MEIOB: variants seen among roughly 807,000 people sequenced by gnomAD.
MEIOB encodes the protein meiosis specific with OB-fold.
MEIOB carries 50 observed loss-of-function variants against 53.1 expected under a neutral mutation model. That is an observed-to-expected ratio of 0.94 (90% CI 0.75 to 1.19). The LOEUF is 1.19. Ranked by LOEUF, MEIOB falls within the 50% of genes most tolerant of loss-of-function variation. MEIOB has a pLI of 0.00. For missense variants in MEIOB, 551 were observed against 550.8 expected (o/e 1.00, Z 0.00); for synonymous variants, 192 against 182.5 (o/e 1.05, Z -0.42).
intron 1 of MEIOB, among the ~76,000 whole-genome samples, chr16:1,870,576 T>C (rs889840016): frequency 6.6e-6 from 1 of 152,198 alleles, no homozygotes; most frequent in East Asian, 1.9e-4. Flanking sequence ...AAATTGTGGA[T>C]AACATCCACC....
At chr16:1,862,454 T>C (rs1182960337) in intron 3 of MEIOB, among the ~76,000 whole-genome samples, 1 of 152,178 alleles carries the variant, frequency 6.6e-6, no homozygotes, top group African/African-American at 2.4e-5. Context: ...TCTCTCTTAC[T>C]GTTGTTTCAA....
chr16:1,856,812 G>A (rs1051930896), intron 6 of MEIOB, among the ~76,000 whole-genome samples: 1 of 143,780 alleles, frequency 7.0e-6, no homozygotes, highest in Non-Finnish European at 1.5e-5. Context: ...TGCCCAGGCT[G>A]GAGTGCAGTG....
chr16:1,851,176 G>T (rs1022539191), intron 9 of MEIOB, among the ~76,000 whole-genome samples: 1 of 152,094 alleles, frequency 6.6e-6, no homozygotes, highest in African/African-American at 2.4e-5. Flanking sequence ...AACAGCCTCC[G>T]AGGCCTTCTT....
At chr16:1,870,447 C>T (rs567198310) in intron 1 of MEIOB, among the ~76,000 whole-genome samples, 1 of 152,202 alleles carries the variant, frequency 6.6e-6, no homozygotes, top group Non-Finnish European at 1.5e-5. Context: ...AAGGACGTGT[C>T]TCATGACACC....
At chr16:1,867,281 A>G (rs369961) in intron 2 of MEIOB, among the ~76,000 whole-genome samples, 124,745 of 151,258 alleles carry the variant, frequency 0.82, 51,555 homozygotes, top group Middle Eastern at 0.9. Flanking sequence ...AACAGTCGAG[A>G]TGTGTTCAAA....
chr16:1,856,668 G>A (rs938158518), intron 6 of MEIOB, among the ~76,000 whole-genome samples: 1 of 151,430 alleles, frequency 6.6e-6, no homozygotes, highest in Non-Finnish European at 1.5e-5. Context: ...CACCATATTG[G>A]CCAGGCTGGT....
intron 13 of MEIOB, 132 bp downstream of exon 13, chr16:1,837,652 G>C: frequency 2.0e-6 from 1 of 505,212 alleles, no homozygotes; most frequent in East Asian, 3.1e-5. Context: ...TAGGATAGCT[G>C]AATCCTTATG....
At chr16:1,839,547 T>C (rs569246376) in intron 11 of MEIOB, 109 bp from the exon 12 acceptor site, 16 of 985,990 alleles carry the variant, frequency 1.6e-5, no homozygotes, top group South Asian at 1.5e-4. Flanking sequence ...TGTGGAAAAC[T>C]TACTGAGTGT....
At chr16:1,850,783 T>G (rs1899150646) in intron 9 of MEIOB, among the ~76,000 whole-genome samples, 1 of 149,408 alleles carries the variant, frequency 6.7e-6, no homozygotes, top group South Asian at 2.1e-4. Flanking sequence ...TAGCCAGGCA[T>G]GGTGGCGGGC....
rs374328289 is a variant in MEIOB at position 1,844,994 on chromosome 16, G to A, written c.779-31C>T. On this transcript the variant is annotated intron_variant, in intron 9 of 13. Coordinates refer to ENST00000325962, the MANE Select transcript of MEIOB (RefSeq NM_001163560.3). ...ATTGAAAATGCATAATAAGTAAAAA[G>A]CAAACTGATTATCATTTAAATCACA... 1.6e-4 allele frequency: 152 copies of A among 954,328 alleles called. No homozygotes were observed. The African/African-American group carries it at 2.4e-3, about 15-fold the overall frequency. 59.1% of individuals were successfully genotyped at this position (954,328 alleles called of 1,614,324 possible).
At chr16:1,861,136 G>A (rs1332102550) in intron 4 of MEIOB, among the ~76,000 whole-genome samples, 2 of 152,160 alleles carry the variant, frequency 1.3e-5, no homozygotes, top group African/African-American at 2.4e-5. Flanking sequence ...AAGCCATGAT[G>A]TAAGTCAATG....
chr16:1,838,913 A>C (rs1898821371), intron 12 of MEIOB, among the ~76,000 whole-genome samples: 1 of 152,160 alleles, frequency 6.6e-6, no homozygotes, highest in African/African-American at 2.4e-5. Context: ...GCTGGTCTCA[A>C]ACTCCTGACC....
At chr16:1,842,957 C>T (rs1175001485) in intron 10 of MEIOB, among the ~76,000 whole-genome samples, 2 of 137,376 alleles carry the variant, frequency 1.5e-5, no homozygotes, top group Non-Finnish European at 3.1e-5. Context: ...CCACCGCGCC[C>T]GGCGACACTG....
chr16:1,864,234 G>A (rs375439), intron 3 of MEIOB, among the ~76,000 whole-genome samples: 125,095 of 151,680 alleles, frequency 0.82, 51,707 homozygotes, highest in Middle Eastern at 0.9. Context: ...TTTACCTCTG[G>A]GGAGAGGACT....
intron 10 of MEIOB, among the ~76,000 whole-genome samples, chr16:1,842,625 A>G (rs1898940874): frequency 6.6e-6 from 1 of 150,522 alleles, no homozygotes; most frequent in African/African-American, 2.4e-5. Context: ...CTCCATCTCA[A>G]AAAGACAGTG....
At chr16:1,854,260 T>C (rs1252430558) in intron 6 of MEIOB, 60 bp from the exon 7 acceptor site, 1 of 965,572 alleles carries the variant, frequency 1.0e-6, no homozygotes, top group Non-Finnish European at 1.6e-6. Context: ...TAAGTATTTG[T>C]TGATGAAAAT....
At chr16:1,871,519 CTTTT>C (rs71148106) in intron 1 of MEIOB, among the ~76,000 whole-genome samples, 18 of 39,816 alleles carry the variant, frequency 4.5e-4, no homozygotes, top group African/African-American at 1.6e-3. Flanking sequence ...GCGCCCGGCC[CTTTT>C]TTTTTTTTTT....
rs1333466849 is a variant in MEIOB, at chr16:1,857,773, T to C, written c.490A>G (p.Asn164Asp). Residue 164 changes from asparagine to aspartate, a missense_variant, in exon 6 of 14, where the codon AAT (asparagine) becomes GAT (aspartate). Transcript: ENST00000325962. ...GCAAGCACGTTAATAATCCTCCCAT[T>C]AAGACTGTGTCCATTTGCAACAATG... ...GDIVANGHSL[N>D]GRIINVLAAV... is the part of the protein sequence containing the mutation. The C allele has an allele frequency of 6.4e-7, 1 of 1,551,906 alleles. No individual in the cohort carries two copies. The highest frequency in any genetic ancestry group is 1.4e-5 in the African/African-American group (1 of 73,160).
chr16:1,864,714 C>G (rs1213864955), intron 3 of MEIOB, among the ~76,000 whole-genome samples: 1 of 152,032 alleles, frequency 6.6e-6, no homozygotes, highest in Non-Finnish European at 1.5e-5. Context: ...TCCCAAACTC[C>G]TGACCTCAGG....
Sources: gnomAD v4.1 joint callset for allele counts (sites outside exome capture counted in the v4.1 genomes callset) on GRCh38, gnomAD v4.1.1 for gene constraint, MANE v1.5 for transcripts, NCBI Gene and HGNC (gene_info 2026-07-23, HGNC 2026-07-21) for gene names.